TNKS: variants seen among roughly 807,000 people sequenced by gnomAD.
The protein encoded by TNKS is poly [ADP-ribose] polymerase tankyrase-1.
A neutral mutation model predicts 135.8 loss-of-function variants in TNKS; 72 were observed. The ratio of observed to expected loss-of-function variants is 0.53; its 90% confidence interval spans 0.44 to 0.64. The LOEUF (loss-of-function observed/expected upper bound fraction) is 0.64. Ranked by LOEUF, TNKS falls within the 30% of genes least tolerant of loss-of-function variation. TNKS has a pLI of 0.00. For missense variants in TNKS, 1,769 were observed against 1,674.0 expected, an observed-to-expected ratio of 1.06 and a Z score of -0.99; for synonymous variants, 849 against 649.3, an observed-to-expected ratio of 1.31 and a Z score of -4.68.
intron 3 of TNKS, among the ~76,000 whole-genome samples, chr8:9,645,446 C>T (rs925253080): frequency 6.6e-6 from 1 of 152,102 alleles, no homozygotes; most frequent in African/African-American, 2.4e-5. Flanking sequence ...GATAAAGACA[C>T]ACAAACAGGA....
chr8:9,649,392 G>C (rs1448488097), intron 3 of TNKS, among the ~76,000 whole-genome samples: 1 of 152,084 alleles, frequency 6.6e-6, no homozygotes, highest in Non-Finnish European at 1.5e-5. Flanking sequence ...ATCATATCCA[G>C]GCTATTTAAT....
intron 17 of TNKS, among the ~76,000 whole-genome samples, chr8:9,740,441 C>G (rs1468899853): frequency 1.3e-5 from 2 of 152,206 alleles, no homozygotes; most frequent in Non-Finnish European, 2.9e-5. Context: ...CGCCTTCTCC[C>G]TGGCCCTTTG....
intron 23 of TNKS, among the ~76,000 whole-genome samples, chr8:9,765,283 T>G (rs1279580844): frequency 6.6e-6 from 1 of 152,182 alleles, no homozygotes; most frequent in Non-Finnish European, 1.5e-5. Flanking sequence ...GAGAACTGGT[T>G]TAACCCTTTG....
At chr8:9,743,398 C>T (rs1563204192) in intron 17 of TNKS, 1 of 152,136 alleles carries the variant, frequency 6.6e-6, no homozygotes, top group Non-Finnish European at 1.5e-5. Context: ...AGTCTTTCCT[C>T]TTCTGTTTTA....
intron 23 of TNKS, 146 bp downstream of exon 23, chr8:9,764,936 T>A: frequency 3.7e-6 from 2 of 537,978 alleles, no homozygotes; most frequent in Non-Finnish European, 6.4e-6. Flanking sequence ...AGCACTCTTC[T>A]CACTACAATA....
chr8:9,574,059 TA>T (rs1797855160), intron 1 of TNKS, among the ~76,000 whole-genome samples: 1 of 152,188 alleles, frequency 6.6e-6, no homozygotes, highest in African/African-American at 2.4e-5. Context: ...GCTATTAGAA[TA>T]AGGAAAATTG....
At chr8:9,735,201 A>AT in intron 16 of TNKS, 117 bp downstream of exon 16, 1 of 1,162,182 alleles carries the variant, frequency 8.6e-7, no homozygotes, top group Non-Finnish European at 1.2e-6. Flanking sequence ...AATGCTCTTG[A>AT]TTGACATAGT....
chr8:9,606,968 G>A (rs1047378663), intron 2 of TNKS, among the ~76,000 whole-genome samples: 10 of 152,020 alleles, frequency 6.6e-5, no homozygotes, highest in African/African-American at 2.4e-4. Flanking sequence ...ACCTTGTTTT[G>A]CCTCGGTTTT....
intron 2 of TNKS, among the ~76,000 whole-genome samples, chr8:9,596,109 C>T (rs893644914): frequency 1.3e-5 from 2 of 152,006 alleles, no homozygotes; most frequent in African/African-American, 4.8e-5. Flanking sequence ...GACCCTGTCT[C>T]AAAATACATA....
intron 3 of TNKS, among the ~76,000 whole-genome samples, chr8:9,675,689 G>A (rs1272406248): frequency 6.6e-6 from 1 of 152,172 alleles, no homozygotes; most frequent in Non-Finnish European, 1.5e-5. Context: ...TTGTTTGATT[G>A]TTATTACTAT....
In TNKS at chr8:9,760,273, G is replaced by A. The variant is rs377038346; in HGVS notation, c.3154-1243G>A. Among the ~76,000 whole-genome samples, 13 of 152,198 alleles carry A rather than the reference G, an allele frequency of 8.5e-5. No homozygotes were observed. The East Asian group carries it at 1.5e-3, about 18-fold the overall frequency. On this transcript the variant is annotated intron_variant, in intron 20 of 26. Coordinates refer to ENST00000310430, the MANE Select transcript of TNKS (RefSeq NM_003747.3). ...AAGCTCTGCTGAAACCTTTCTTTTG[G>A]GTGGTTGGATGTGAATTGCCCGCTT...
At position 9,672,716 on chromosome 8, in the gene TNKS, A is replaced by C. The variant is rs1264391263; in HGVS notation, c.995-7235A>C. On this transcript the variant is annotated intron_variant, in intron 3 of 26. Coordinates refer to ENST00000310430, the MANE Select transcript of TNKS (RefSeq NM_003747.3). ...CACACACACACACACACACACAAAAAAAAAAAAACAAACTAATATCCCACT... is the reference window on the plus strand; with the variant it reads ...CACACACACACACACACACACAAAACAAAAAAAACAAACTAATATCCCACT... Among the ~76,000 whole-genome samples, 708 of 134,148 alleles carry C rather than the reference A, an allele frequency of 5.3e-3. 7 individuals are homozygous for C. Among genetic ancestry groups the C allele is most frequent in the East Asian group, 0.016 (62 of 3,814 alleles). 88.0% of individuals were successfully genotyped at this position (134,148 alleles called of 152,430 possible).
chr8:9,751,765 G>C lies in TNKS; in HGVS notation c.2989G>C (p.Gly997Arg). 6.2e-7 allele frequency: 1 copy of C among 1,614,118 alleles called. No individual in the cohort carries two copies. Among genetic ancestry groups the C allele is most frequent in the Non-Finnish European group, 8.5e-7 (1 of 1,180,026 alleles). Reference sequence around the variant, plus strand: ...TGCCAGCAGCATAGACAACCTCACTGGCCCTTTAGCAGAGTTGGCCGTAGG... The same window carrying C: ...TGCCAGCAGCATAGACAACCTCACTCGCCCTTTAGCAGAGTTGGCCGTAGG... ...SAASSIDNLT[G>R]PLAELAVGGA... Residue 997 changes from glycine (G) to arginine (R), a missense_variant, in exon 19 of 27, where the codon GGC becomes CGC. Coordinates refer to ENST00000310430, the MANE Select transcript of TNKS (RefSeq NM_003747.3).
chr8:9,659,059 A>T (rs1445786637), intron 3 of TNKS, among the ~76,000 whole-genome samples: 5 of 152,254 alleles, frequency 3.3e-5, no homozygotes, highest in Non-Finnish European at 7.3e-5. Flanking sequence ...TATGCACTCA[A>T]TACAGGAGCA....
intron 1 of TNKS, among the ~76,000 whole-genome samples, chr8:9,568,920 T>A (rs1797654602): frequency 6.6e-6 from 1 of 152,254 alleles, no homozygotes; most frequent in Non-Finnish European, 1.5e-5. Flanking sequence ...GAATCCATTG[T>A]TAGAATCCAG....
intron 2 of TNKS, among the ~76,000 whole-genome samples, chr8:9,595,864 G>A (rs866411986): frequency 2.8e-4 from 43 of 151,906 alleles, no homozygotes; most frequent in African/African-American, 7.0e-4. Flanking sequence ...TCTAATCTTG[G>A]CACTTTGGGA....
intron 3 of TNKS, among the ~76,000 whole-genome samples, chr8:9,657,910 C>A (rs1801488903): frequency 1.7e-5 from 2 of 115,202 alleles, no homozygotes; most frequent in Admixed American, 8.1e-5. Flanking sequence ...CAGAGGGTCT[C>A]CTCACTTCTC....
intron 3 of TNKS, among the ~76,000 whole-genome samples, chr8:9,639,536 T>C (rs1800645434): frequency 6.6e-6 from 1 of 152,062 alleles, no homozygotes; most frequent in African/African-American, 2.4e-5. Flanking sequence ...TTTTTTGGCT[T>C]TCTGGTTTTT....
chr8:9,567,325 T>A (rs1446823889), intron 1 of TNKS, among the ~76,000 whole-genome samples: 1 of 152,248 alleles, frequency 6.6e-6, no homozygotes, highest in African/African-American at 2.4e-5. Flanking sequence ...TGATTGTTTT[T>A]ATAAACATAA....
Sources: allele counts gnomAD v4.1 joint callset (sites outside exome capture counted in the v4.1 genomes callset), GRCh38; gene constraint gnomAD v4.1.1; transcripts MANE v1.5; gene names NCBI Gene and HGNC (gene_info 2026-07-23, HGNC 2026-07-21).